Variants in RBMS3 observed in about 807,000 individuals in gnomAD.
RBMS3 encodes the protein RNA-binding motif, single-stranded-interacting protein 3.
RBMS3 carries 27 observed loss-of-function variants against 66.8 expected under a neutral mutation model. That is an observed-to-expected ratio of 0.40 (90% confidence interval 0.30 to 0.56). The LOEUF (loss-of-function observed/expected upper bound fraction) is 0.56. RBMS3 is among the 20% of genes least tolerant of loss of function. RBMS3 has a pLI of 0.40. For synonymous variants in RBMS3, 188 were observed against 183.0 expected, an observed-to-expected ratio of 1.03 and a Z score of -0.22; for missense variants, 513 against 549.5, an observed-to-expected ratio of 0.93 and a Z score of 0.66.
At chr3:29,553,709 T>A (rs762062113) in intron 3 of RBMS3, among the ~76,000 whole-genome samples, 18 of 151,996 alleles carry the variant, frequency 1.2e-4, no homozygotes, top group Non-Finnish European at 1.2e-4. Context: ...TTTGCATTCA[T>A]TATGAATGTC....
chr3:29,754,374 C>T (rs1372522999), intron 5 of RBMS3, among the ~76,000 whole-genome samples: 2 of 152,192 alleles, frequency 1.3e-5, no homozygotes, highest in South Asian at 4.1e-4. Flanking sequence ...TCCTACCTTA[C>T]AGTAGAGCTT....
At chr3:29,484,482 C>G (rs2043250122) in intron 2 of RBMS3, among the ~76,000 whole-genome samples, 1 of 152,124 alleles carries the variant, frequency 6.6e-6, no homozygotes, top group Non-Finnish European at 1.5e-5. Flanking sequence ...TATCGTATAA[C>G]CTTATTTTAC....
intron 1 of RBMS3, among the ~76,000 whole-genome samples, chr3:29,293,570 G>A (rs565644409): frequency 4.0e-5 from 6 of 151,800 alleles, no homozygotes; most frequent in East Asian, 2.0e-4. Flanking sequence ...GTTATTATTC[G>A]TGGTCCATCT....
chr3:29,999,084 C>T (rs1364549397), intron 14 of RBMS3, among the ~76,000 whole-genome samples: 1 of 151,992 alleles, frequency 6.6e-6, no homozygotes, highest in Admixed American at 6.5e-5. Flanking sequence ...CAAAAAACCC[C>T]ATCAAAAAGT....
At chr3:29,511,251 G>A (rs1027554793) in intron 3 of RBMS3, among the ~76,000 whole-genome samples, 2 of 152,102 alleles carry the variant, frequency 1.3e-5, no homozygotes, top group African/African-American at 4.8e-5. Context: ...AGCTGAGATC[G>A]CACCACTGCA....
intron 3 of RBMS3, among the ~76,000 whole-genome samples, chr3:29,575,873 A>G (rs542472587): frequency 1.2e-3 from 189 of 152,016 alleles, no homozygotes; most frequent in African/African-American, 4.5e-3. Flanking sequence ...TTTCTTTGTT[A>G]ATTTTTTCTG....
intron 14 of RBMS3, 22 bp downstream of exon 14, chr3:29,991,231 C>CTCT (rs1698855948): frequency 1.2e-6 from 2 of 1,613,702 alleles, no homozygotes; most frequent in Admixed American, 3.3e-5. Flanking sequence ...CTGTGCTAAG[C>CTCT]TCTTTTCCTC....
rs1356886835 is a variant in RBMS3 at position 29,991,181 on chromosome 3, G to A, written c.1279G>A (p.Ala427Thr). 1 of 1,614,132 alleles carries A rather than the reference G, an allele frequency of 6.2e-7. No homozygotes were observed. Among genetic ancestry groups the A allele is most frequent in the East Asian group, 2.2e-5 (1 of 44,884 alleles). Residue 427 changes from alanine (A) to threonine (T), a missense_variant, in exon 14 of 15, where the codon GCA becomes ACA. By Grantham distance (58) the Ala-to-Thr change is moderately conservative. Coordinates refer to ENST00000383767, the MANE Select transcript of RBMS3 (RefSeq NM_001003793.3). ...QIAVDTSNEHAPAYSYQQSKP is the reference protein window; with the variant it reads ...QIAVDTSNEHTPAYSYQQSKP The stretch of plus-strand genomic sequence containing the variant: ...AGCAGTGGACACATCCAACGAACAT[G>A]CACCTGCATATTCTTACCAACAGTC...
At chr3:29,672,469 C>G (rs1404572064) in intron 4 of RBMS3, among the ~76,000 whole-genome samples, 1 of 152,086 alleles carries the variant, frequency 6.6e-6, no homozygotes, top group Admixed American at 6.6e-5. Flanking sequence ...GCGAAATGCT[C>G]CAATTAAAAG....
At chr3:29,553,548 T>A (rs964984508) in intron 3 of RBMS3, among the ~76,000 whole-genome samples, 1 of 152,174 alleles carries the variant, frequency 6.6e-6, no homozygotes, top group Non-Finnish European at 1.5e-5. Flanking sequence ...GCCAGGTGGC[T>A]CTTTTGGGCT....
chr3:29,806,375 A>G (rs904789134), intron 6 of RBMS3, among the ~76,000 whole-genome samples: 5 of 151,994 alleles, frequency 3.3e-5, no homozygotes, highest in African/African-American at 1.2e-4. Flanking sequence ...AAACACAGAC[A>G]CAGGTAGCCT....
intron 1 of RBMS3, among the ~76,000 whole-genome samples, 196 bp downstream of exon 1, chr3:29,281,952 GC>G (rs2031834186): frequency 2.0e-5 from 3 of 152,140 alleles, no homozygotes; most frequent in Admixed American, 2.0e-4. Context: ...CGGAATTGTA[GC>G]TTTCTCTTTA....
intron 5 of RBMS3, among the ~76,000 whole-genome samples, chr3:29,741,160 T>C (rs2054626192): frequency 1.3e-5 from 2 of 152,212 alleles, no homozygotes; most frequent in African/African-American, 4.8e-5. Context: ...GAGTTGTGGT[T>C]GTGGACCATG....
At chr3:29,405,541 C>T (rs2039983685) in intron 1 of RBMS3, among the ~76,000 whole-genome samples, 1 of 152,084 alleles carries the variant, frequency 6.6e-6, no homozygotes, top group Non-Finnish European at 1.5e-5. Flanking sequence ...ACTGTAATGC[C>T]ATTTGCCACA....
intron 4 of RBMS3, among the ~76,000 whole-genome samples, chr3:29,699,986 G>A (rs527335485): frequency 1.3e-5 from 2 of 152,234 alleles, no homozygotes; most frequent in African/African-American, 4.8e-5. Flanking sequence ...ACTGAACAAA[G>A]GGACTGGATT....
chr3:29,334,715 T>C (rs2035850367), intron 1 of RBMS3, among the ~76,000 whole-genome samples: 2 of 152,196 alleles, frequency 1.3e-5, no homozygotes, highest in African/African-American at 4.8e-5. Flanking sequence ...CTTTCCTGCA[T>C]TGCGCTTTAA....
chr3:29,365,439 T>G (rs539870978), intron 1 of RBMS3, among the ~76,000 whole-genome samples: 3 of 152,046 alleles, frequency 2.0e-5, no homozygotes, highest in African/African-American at 4.8e-5. Flanking sequence ...TCTCTTCGTA[T>G]CAAAGAAGTA....
At chr3:29,358,594 T>A (rs2037369492) in intron 1 of RBMS3, among the ~76,000 whole-genome samples, 1 of 152,178 alleles carries the variant, frequency 6.6e-6, no homozygotes, top group Non-Finnish European at 1.5e-5. Context: ...AAGTCATTGG[T>A]AGCTTGATGG....
At chr3:29,897,520 T>C in intron 9 of RBMS3, 45 bp downstream of exon 9, 1 of 1,550,618 alleles carries the variant, frequency 6.4e-7, no homozygotes, top group South Asian at 1.1e-5. Context: ...TTTCTTGCAG[T>C]AATACAGTAT....
Sources: allele counts gnomAD v4.1 joint callset (sites outside exome capture counted in the v4.1 genomes callset), GRCh38; gene constraint gnomAD v4.1.1; transcripts MANE v1.5; gene names NCBI Gene and HGNC (gene_info 2026-07-23, HGNC 2026-07-21).